Variants in RBMS3 observed in about 807,000 individuals in gnomAD.
The protein encoded by RBMS3 is RNA binding motif single stranded interacting protein 3.
A neutral mutation model predicts 66.8 loss-of-function variants in RBMS3; 27 were observed. The observed-to-expected ratio is 0.40, with a 90% CI of 0.30 to 0.56. The LOEUF (loss-of-function observed/expected upper bound fraction) is 0.56. Ranked by LOEUF, RBMS3 falls within the 20% of genes least tolerant of loss-of-function variation. The probability of loss-of-function intolerance (pLI) is 0.40; values close to 1 mark genes in which losing one functional copy is unlikely to be tolerated. For missense variants in RBMS3, 513 were observed against 549.5 expected (o/e 0.93, Z 0.66); for synonymous variants, 188 against 183.0 (o/e 1.03, Z -0.22).
chr3:29,697,023 C>A (rs189793672), intron 4 of RBMS3: 1 of 984,546 alleles, frequency 1.0e-6, no homozygotes, highest in Admixed American at 6.2e-5. Flanking sequence ...AGGAGGACAA[C>A]AGAGATTATC....
intron 1 of RBMS3, among the ~76,000 whole-genome samples, chr3:29,363,627 A>G (rs894558432): frequency 6.6e-6 from 1 of 152,090 alleles, no homozygotes; most frequent in Non-Finnish European, 1.5e-5. Context: ...CATCTGTACT[A>G]AAAACATAAA....
At chr3:29,621,703 G>A (rs927250344) in intron 4 of RBMS3, among the ~76,000 whole-genome samples, 10 of 151,998 alleles carry the variant, frequency 6.6e-5, no homozygotes, top group Non-Finnish European at 1.3e-4. Flanking sequence ...GATTAAAGAT[G>A]CCTGGTTCAA....
intron 6 of RBMS3, among the ~76,000 whole-genome samples, chr3:29,849,415 A>G (rs1202044003): frequency 6.6e-6 from 1 of 151,664 alleles, no homozygotes; most frequent in Non-Finnish European, 1.5e-5. Context: ...TTGAGAGGCT[A>G]AGGCAGGAGA....
At chr3:29,347,653 A>T (rs1439253733) in intron 1 of RBMS3, among the ~76,000 whole-genome samples, 1 of 152,178 alleles carries the variant, frequency 6.6e-6, no homozygotes, top group Non-Finnish European at 1.5e-5. Context: ...TTACCCCTGA[A>T]ATTCATGAAC....
chr3:29,393,752 G>A (rs765251177), intron 1 of RBMS3, among the ~76,000 whole-genome samples: 13 of 152,056 alleles, frequency 8.5e-5, no homozygotes, highest in African/African-American at 9.7e-5. Context: ...CTGGGCCTCC[G>A]GGGGTGACAT....
intron 14 of RBMS3, among the ~76,000 whole-genome samples, chr3:29,996,636 A>T (rs1365873209): frequency 6.6e-6 from 1 of 151,498 alleles, no homozygotes; most frequent in Non-Finnish European, 1.5e-5. Flanking sequence ...GCTCAACTAC[A>T]TGGAAACTGA....
intron 2 of RBMS3, among the ~76,000 whole-genome samples, chr3:29,479,425 G>A (rs1008767539): frequency 6.6e-6 from 1 of 151,790 alleles, no homozygotes; most frequent in African/African-American, 2.4e-5. Context: ...GATGTTCATG[G>A]AGGCTTATTA....
intron 3 of RBMS3, among the ~76,000 whole-genome samples, chr3:29,503,828 T>C (rs1345162679): frequency 6.6e-6 from 1 of 152,128 alleles, no homozygotes; most frequent in African/African-American, 2.4e-5. Flanking sequence ...AATAACATCC[T>C]ATGTGGCATG....
At chr3:29,549,688 C>T (rs1280092094) in intron 3 of RBMS3, among the ~76,000 whole-genome samples, 1 of 152,006 alleles carries the variant, frequency 6.6e-6, no homozygotes, top group East Asian at 1.9e-4. Flanking sequence ...GCATGAGCCA[C>T]CGTGGATTGA....
chr3:29,812,283 A>C (rs978082791), intron 6 of RBMS3, among the ~76,000 whole-genome samples: 7 of 152,166 alleles, frequency 4.6e-5, no homozygotes, highest in African/African-American at 1.7e-4. Flanking sequence ...GATTGGTTAA[A>C]AGATATCTTG....
At chr3:29,578,790 C>CTTTTTTTTTTTTTTTTTTTTTTTTT (rs1185861167) in intron 3 of RBMS3, among the ~76,000 whole-genome samples, 5 of 101,062 alleles carry the variant, frequency 4.9e-5, no homozygotes, top group African/African-American at 2.3e-4. Flanking sequence ...ATACATGCTT[C>CTTTTTTTTTTTTTTTTTTTTTTTTT]TTTTTTTTTT....
At chr3:29,392,081 C>T (rs2039324821) in intron 1 of RBMS3, among the ~76,000 whole-genome samples, 1 of 151,958 alleles carries the variant, frequency 6.6e-6, no homozygotes, top group Admixed American at 6.6e-5. Flanking sequence ...GAAACCCCAT[C>T]TCTGCTAAAA....
chr3:29,650,725 G>A (rs111791091), intron 4 of RBMS3, among the ~76,000 whole-genome samples: 290 of 152,158 alleles, frequency 1.9e-3, no homozygotes, highest in African/African-American at 6.5e-3. Context: ...TTAATTACTG[G>A]GTAAGACACT....
At chr3:29,528,348 A>C (rs995081677) in intron 3 of RBMS3, among the ~76,000 whole-genome samples, 3 of 151,924 alleles carry the variant, frequency 2.0e-5, no homozygotes, top group Non-Finnish European at 4.4e-5. Flanking sequence ...CCTGACCTCA[A>C]GTGATCTGCC....
At position 29,380,237 on chromosome 3, in the gene RBMS3, C is replaced by CACAA. The variant is rs398071796; in HGVS notation, c.76-54506_76-54505insACAA. ...TCACACACACACACACACACACACA[C>CACAA]GTACATCTATAATAAGCTAACATGT... On this transcript the variant is annotated intron_variant, in intron 1 of 14. Coordinates refer to ENST00000383767, the MANE Select transcript of RBMS3 (RefSeq NM_001003793.3). Among the ~76,000 whole-genome samples the CACAA allele has an allele frequency of 5.7e-4, 85 of 149,112 alleles. 1 individual carries two copies. The highest frequency in any genetic ancestry group is 5.7e-3 in the Admixed American group (85 of 15,000).
chr3:29,855,771 G>T (rs2059058703), intron 6 of RBMS3, among the ~76,000 whole-genome samples: 1 of 152,192 alleles, frequency 6.6e-6, no homozygotes, highest in Non-Finnish European at 1.5e-5. Flanking sequence ...CTTTGCTGTT[G>T]TGGAGCCATA....
chr3:29,979,804 A>G (rs1697857954), intron 12 of RBMS3, among the ~76,000 whole-genome samples: 1 of 152,146 alleles, frequency 6.6e-6, no homozygotes. Context: ...CATGGTGTAT[A>G]TGTGCCACAT....
chr3:29,707,590 C>A (rs2052963280), intron 4 of RBMS3, among the ~76,000 whole-genome samples: 1 of 152,188 alleles, frequency 6.6e-6, no homozygotes. Flanking sequence ...AAAAAGCTGA[C>A]AGTTTTTCTG....
chr3:29,819,256 G>T (rs2058007911), intron 6 of RBMS3, among the ~76,000 whole-genome samples: 1 of 152,036 alleles, frequency 6.6e-6, no homozygotes, highest in East Asian at 1.9e-4. Context: ...TTACTTAAAG[G>T]GCCAACTAGT....
Sources: allele counts gnomAD v4.1 joint callset (sites outside exome capture counted in the v4.1 genomes callset), GRCh38; gene constraint gnomAD v4.1.1; transcripts MANE v1.5; gene names NCBI Gene and HGNC (gene_info 2026-07-23, HGNC 2026-07-21).